FAF1: variants seen among roughly 807,000 people sequenced by gnomAD.
FAF1 encodes the protein Fas associated factor 1, also known as FAS-associated factor 1.
Under a neutral mutation model 92.5 loss-of-function variants are expected in FAF1, and 25 were observed. The ratio of observed to expected loss-of-function variants is 0.27; its 90% CI spans 0.20 to 0.38. FAF1 has a LOEUF of 0.38. Ranked by LOEUF, FAF1 falls within the 10% of genes least tolerant of loss-of-function variation. The probability of loss-of-function intolerance (pLI) is 1.00; values close to 1 mark genes in which losing one functional copy is unlikely to be tolerated. For synonymous variants in FAF1, 234 were observed against 273.2 expected (o/e 0.86, Z 1.42); for missense variants, 636 against 793.3 (o/e 0.80, Z 2.38).
intron 15 of FAF1, among the ~76,000 whole-genome samples, chr1:50,516,623 C>T (rs1473227229): frequency 1.1e-4 from 17 of 152,262 alleles, no homozygotes; most frequent in Non-Finnish European, 2.1e-4. Context: ...TAGACAGCTC[C>T]TTTCTTGACA....
In FAF1 at chr1:50,643,794, T is replaced by C. The variant is rs372595402; in HGVS notation, c.744+11648A>G. Among the ~76,000 whole-genome samples the C allele has an allele frequency of 1.8e-4, 28 of 152,322 alleles. No homozygotes were observed. In the South Asian group the frequency reaches 4.6e-3, roughly 25 times the overall value. On this transcript the variant is annotated intron_variant, in intron 8 of 18. Coordinates refer to ENST00000396153, the MANE Select transcript of FAF1 (RefSeq NM_007051.3). ...TTTTAGTAGAGCTGGGGTTTCGCCA[T>C]GTTGGCCAGGCTGGTCTCAAACTCC...
At chr1:50,691,829 T>C (rs1411891668) in intron 7 of FAF1, among the ~76,000 whole-genome samples, 2 of 152,218 alleles carry the variant, frequency 1.3e-5, no homozygotes, top group Non-Finnish European at 2.9e-5. Flanking sequence ...CCATTTTTCT[T>C]TGTTTTAATT....
chr1:50,632,768 T>C (rs1161822708), intron 8 of FAF1, among the ~76,000 whole-genome samples: 1 of 152,112 alleles, frequency 6.6e-6, no homozygotes, highest in African/African-American at 2.4e-5. Context: ...CACTTATGCA[T>C]TGTTTGTGGT....
At chr1:50,874,485 C>G (rs1215915022) in intron 1 of FAF1, among the ~76,000 whole-genome samples, 7 of 152,036 alleles carry the variant, frequency 4.6e-5, no homozygotes, top group Non-Finnish European at 1.0e-4. Context: ...CCTCAGCTCC[C>G]AAGTAGCTAG....
At position 50,528,772 on chromosome 1, in the gene FAF1, C is replaced by T. The variant is rs115026108; in HGVS notation, c.1494+6597G>A. 1.0e-3 allele frequency among the ~76,000 whole-genome samples: 157 copies of T among 152,222 alleles called. 1 individual carries two copies. The highest frequency in any genetic ancestry group is 1.9e-3 in the Non-Finnish European group (131 of 68,018). On this transcript the variant is annotated intron_variant, in intron 15 of 18. Coordinates refer to ENST00000396153, the MANE Select transcript of FAF1 (RefSeq NM_007051.3). ...TCTGCCTCCTCTTTCACCTCCTCTA[C>T]CTCTTTTGGCTCTGCTTCCTCTAAG...
rs942208469 is a variant in FAF1 at position 50,621,946 on chromosome 1, G to A, written c.745-25730C>T. On this transcript the variant is annotated intron_variant, in intron 8 of 18. Transcript: ENST00000396153. ...TATGGGAGGCCAAGGCAGGCGGATG[G>A]CCTGAGGTCGGAAGTTCGAGACCAG... 3.3e-5 allele frequency among the ~76,000 whole-genome samples: 5 copies of A among 152,004 alleles called. No individual in the cohort carries two copies. The East Asian group carries it at 5.8e-4, about 18-fold the overall frequency.
At chr1:50,450,563 C>T (rs886170356) in intron 18 of FAF1, among the ~76,000 whole-genome samples, 2 of 152,156 alleles carry the variant, frequency 1.3e-5, no homozygotes, top group African/African-American at 4.8e-5. Flanking sequence ...GGCTTATGTC[C>T]CTAATGGGCT....
At chr1:50,582,178 C>A (rs1039362238) in intron 12 of FAF1, among the ~76,000 whole-genome samples, 1 of 152,084 alleles carries the variant, frequency 6.6e-6, no homozygotes, top group African/African-American at 2.4e-5. Context: ...ATTTGCGTAA[C>A]TGAAAAGAAT....
chr1:50,687,701 A>C (rs1656730536), intron 7 of FAF1, among the ~76,000 whole-genome samples: 1 of 151,724 alleles, frequency 6.6e-6, no homozygotes, highest in South Asian at 2.1e-4. Flanking sequence ...GTGAGCCAAG[A>C]TCGCACTCCA....
At chr1:50,809,411 A>G (rs1569983244) in intron 2 of FAF1, among the ~76,000 whole-genome samples, 1 of 152,308 alleles carries the variant, frequency 6.6e-6, no homozygotes, top group East Asian at 1.9e-4. Context: ...AATGAACACA[A>G]TAAAAAATAA....
In FAF1 at chr1:50,949,345, A is replaced by C. The variant is rs74082108; in HGVS notation, c.45+10422T>G. On this transcript the variant is annotated intron_variant, in intron 1 of 18. Coordinates refer to ENST00000396153, the MANE Select transcript of FAF1 (RefSeq NM_007051.3). Reference sequence around the variant, plus strand: ...TCCAATACTGTCAACATTTTGAGCCAGAAAATTCTTTACTATCGGGCGATG... The same window carrying C: ...TCCAATACTGTCAACATTTTGAGCCCGAAAATTCTTTACTATCGGGCGATG... Among the ~76,000 whole-genome samples, 1,175 of 152,368 alleles carry C rather than the reference A, an allele frequency of 7.7e-3. 13 individuals carry two copies. Among genetic ancestry groups the C allele is most frequent in the African/African-American group, 0.027 (1,135 of 41,582 alleles).
At chr1:50,866,848 C>A (rs1644485699) in intron 1 of FAF1, among the ~76,000 whole-genome samples, 1 of 151,990 alleles carries the variant, frequency 6.6e-6, no homozygotes, top group African/African-American at 2.4e-5. Context: ...TCCTAAAATT[C>A]ATATGAAACC....
chr1:50,900,313 GTT>G (rs923949293), intron 1 of FAF1, among the ~76,000 whole-genome samples: 42 of 152,094 alleles, frequency 2.8e-4, no homozygotes, highest in African/African-American at 9.7e-4. Flanking sequence ...AGAAAATACT[GTT>G]TTTCATTTTT....
At chr1:50,869,722 A>G (rs1193010409) in intron 1 of FAF1, among the ~76,000 whole-genome samples, 2 of 152,054 alleles carry the variant, frequency 1.3e-5, no homozygotes, top group African/African-American at 2.4e-5. Context: ...CCTAGTATAG[A>G]GTTTTTTCTT....
intron 8 of FAF1, among the ~76,000 whole-genome samples, chr1:50,651,800 A>G (rs959785354): frequency 3.9e-5 from 6 of 152,328 alleles, no homozygotes; most frequent in Admixed American, 2.6e-4. Flanking sequence ...GAATGATTTC[A>G]GTAAGTATAA....
At chr1:50,887,107 G>A (rs919198866) in intron 1 of FAF1, among the ~76,000 whole-genome samples, 5 of 152,192 alleles carry the variant, frequency 3.3e-5, no homozygotes, top group Admixed American at 1.3e-4. Flanking sequence ...TTGTGGTTTT[G>A]ATTTGCATTT....
At chr1:50,884,751 T>C (rs1170043294) in intron 1 of FAF1, among the ~76,000 whole-genome samples, 2 of 152,172 alleles carry the variant, frequency 1.3e-5, no homozygotes, top group Non-Finnish European at 2.9e-5. Context: ...GATGTGTTTT[T>C]TTCTGATTTT....
chr1:50,825,409 T>C (rs1201621117), intron 2 of FAF1, among the ~76,000 whole-genome samples: 2 of 152,040 alleles, frequency 1.3e-5, no homozygotes, highest in Admixed American at 6.6e-5. Context: ...CAAAGTCCTA[T>C]GTAATACAAG....
Position 50,705,861 on chromosome 1 carries a change from G to C in FAF1, c.582C>G (p.Phe194Leu). Reference protein sequence around the residue: ...GALQESLNQNFMLIITHREVQ... With the variant: ...GALQESLNQNLMLIITHREVQ... ...CTTCTCGGTGGGTGATGATCAGCAT[G>C]AAGTTTTGATTTAATGACTCCTGCA... Residue 194 changes from phenylalanine to leucine, a missense_variant, in exon 7 of 19, where the codon TTC becomes TTG. By Grantham distance (22) the Phe-to-Leu change is conservative. Transcript: ENST00000396153. The C allele has an allele frequency of 6.2e-7, 1 of 1,610,446 alleles. No individual in the cohort carries two copies. The highest frequency in any genetic ancestry group is 8.5e-7 in the Non-Finnish European group (1 of 1,178,066).
Sources: gnomAD v4.1 joint callset for allele counts (sites outside exome capture counted in the v4.1 genomes callset) on GRCh38, gnomAD v4.1.1 for gene constraint, MANE v1.5 for transcripts, NCBI Gene and HGNC (gene_info 2026-07-23, HGNC 2026-07-21) for gene names.